Variants in CLPTM1 observed in about 807,000 individuals in gnomAD.
The protein encoded by CLPTM1 is putative lipid scramblase CLPTM1.
A neutral mutation model predicts 77.3 loss-of-function variants in CLPTM1; 21 were observed. The ratio of observed to expected loss-of-function variants is 0.27; its 90% CI spans 0.19 to 0.39. CLPTM1 has a LOEUF of 0.39. CLPTM1 is among the 10% of genes least tolerant of loss of function. The pLI is 1.00. For missense variants in CLPTM1, 642 were observed against 921.2 expected, an observed-to-expected ratio of 0.70 and a Z score of 3.92; for synonymous variants, 373 against 381.0, an observed-to-expected ratio of 0.98 and a Z score of 0.24.
In CLPTM1 at chr19:44,979,721, G is replaced by A. The variant is rs191295374; in HGVS notation, c.586+2261G>A. Among the ~76,000 whole-genome samples the A allele has an allele frequency of 3.5e-3, 534 of 152,236 alleles. 4 individuals are homozygous for A. The highest frequency in any genetic ancestry group is 3.8e-3 in the Non-Finnish European group (260 of 68,018). ...TGAGTGTGTCTGAAGAATGTGCTGC[G>A]TTGGTATGTCCCACCCGGCTGACGT... On this transcript the variant is annotated intron_variant, in intron 5 of 13. Transcript: ENST00000337392.
chr19:44,970,426 G>T lies in CLPTM1; in HGVS notation c.186-2661G>T, dbSNP rs1188353528. On this transcript the variant is annotated intron_variant, in intron 2 of 13. Transcript: ENST00000337392. Reference sequence around the variant, plus strand: ...TTTTTTTTTTTTTTTTTGAGACAGGGTCTCACTCTGTTGCCCAGGCTGGAG... The same window carrying T: ...TTTTTTTTTTTTTTTTTGAGACAGGTTCTCACTCTGTTGCCCAGGCTGGAG... 2.8e-5 allele frequency among the ~76,000 whole-genome samples: 4 copies of T among 140,882 alleles called. 1 individual carries two copies. Among genetic ancestry groups the T allele is most frequent in the Admixed American group, 2.1e-4 (3 of 14,466 alleles). The allele number at this position is 140,882 out of a possible 152,430, so 92.4% of individuals were successfully genotyped here. A position where few individuals can be genotyped will look rare whatever the true frequency, so the allele number is the denominator to read the frequency against.
In CLPTM1 at chr19:44,990,753, G is replaced by A; in HGVS notation, c.1324-97G>A. On this transcript the variant is annotated intron_variant, in intron 10 of 13. Coordinates refer to ENST00000337392, the MANE Select transcript of CLPTM1 (RefSeq NM_001294.4). The surrounding 1 kb of genome is among the most constrained non-coding windows in gnomAD (Gnocchi z 4.8). ...GATTTTTTGGGTCACACATGGGGCA[G>A]GGGAACTGGGAACGGTGGGGAAGGG... The A allele has an allele frequency of 7.5e-7, 1 of 1,327,166 alleles. No homozygotes were observed. The highest frequency in any genetic ancestry group is 1.4e-5 in the African/African-American group (1 of 69,022). 82.2% of individuals were successfully genotyped at this position (1,327,166 alleles called of 1,614,324 possible).
At chr19:44,969,281 C>T (rs2122264542) in intron 2 of CLPTM1, among the ~76,000 whole-genome samples, 1 of 152,250 alleles carries the variant, frequency 6.6e-6, no homozygotes, top group East Asian at 1.9e-4. Flanking sequence ...CCATTTCAAC[C>T]ATTGAAGTTG....
At position 44,974,485 on chromosome 19, in the gene CLPTM1, A is replaced by C. The variant is rs750258939; in HGVS notation, c.356A>C (p.Asn119Thr). 2 of 1,614,098 alleles carry C rather than the reference A, an allele frequency of 1.2e-6. No homozygotes were observed. Among genetic ancestry groups the C allele is most frequent in the Non-Finnish European group, 1.7e-6 (2 of 1,180,004 alleles). ...GAGCACGAGCACTTTACAGACTTCA[A>C]CGCCACGTCGGCACTCTTCTGGGAA... ...ISEHEHFTDFNATSALFWEQH... is the reference protein window; with the variant it reads ...ISEHEHFTDFTATSALFWEQH... Residue 119 changes from asparagine to threonine, a missense_variant, in exon 4 of 14, where the codon AAC becomes ACC. By Grantham distance (65) the Asn-to-Thr change is moderately conservative (BLOSUM62 0). Around this residue, in one of 2 missense-constraint regions of CLPTM1, gnomAD observed 521 missense variants for 800.4 expected, o/e 0.65. Transcript: ENST00000337392.
rs1267651090 is a variant in CLPTM1 at position 44,993,175 on chromosome 19, GC to G, written c.*280del. 2.3e-5 allele frequency: 12 copies of G among 523,754 alleles called. No homozygotes were observed. The highest frequency in any genetic ancestry group is 2.2e-4 in the African/African-American group (11 of 49,562). 32.4% of individuals were successfully genotyped at this position (523,754 alleles called of 1,614,324 possible). A position where few individuals can be genotyped will look rare whatever the true frequency, so the allele number is the denominator to read the frequency against. ...ATCATGGTGAAGCTGATGCAGCGTTGCCGAGGGGGTGGGTTGGGCGGGGGTG... is the reference window on the plus strand; with the variant it reads ...ATCATGGTGAAGCTGATGCAGCGTTGCGAGGGGGTGGGTTGGGCGGGGGTG... On this transcript the variant is annotated 3_prime_UTR_variant, in exon 14 of 14. Coordinates refer to ENST00000337392, the MANE Select transcript of CLPTM1 (RefSeq NM_001294.4).
At chr19:44,989,075 C>T (rs1971028113) in intron 9 of CLPTM1, among the ~76,000 whole-genome samples, 3 of 152,244 alleles carry the variant, frequency 2.0e-5, no homozygotes, top group Non-Finnish European at 4.4e-5. Flanking sequence ...CTCAGCTACT[C>T]GGGAGGCTTG....
At chr19:44,955,004 A>G (rs888651575), upstream of CLPTM1, 4 of 1,535,602 alleles carry the variant, frequency 2.6e-6, no homozygotes, top group South Asian at 4.8e-5. Context: ...GTAAAGCTCA[A>G]GAAACATGGA....
rs533340574 is a variant in CLPTM1 at position 44,970,801 on chromosome 19, A to T, written c.186-2286A>T. On this transcript the variant is annotated intron_variant, in intron 2 of 13. Coordinates refer to ENST00000337392, the MANE Select transcript of CLPTM1 (RefSeq NM_001294.4). ...CTTATTCTTTTTTTTTTTTTCCCCT[A>T]GACCTGCAAATCCAAGATCCTTTAC... Among the ~76,000 whole-genome samples the T allele has an allele frequency of 5.8e-5, 8 of 138,626 alleles. No homozygotes were observed. The East Asian group carries it at 1.2e-3, about 21-fold the overall frequency. 90.9% of individuals were successfully genotyped at this position (138,626 alleles called of 152,430 possible). A position where few individuals can be genotyped will look rare whatever the true frequency, so the allele number is the denominator to read the frequency against.
rs1971077626 is a variant in CLPTM1, at chr19:44,991,644, C to T, written c.1555+271C>T. Among the ~76,000 whole-genome samples, 1 of 152,156 alleles carries T rather than the reference C, an allele frequency of 6.6e-6. No individual in the cohort carries two copies. Among genetic ancestry groups the T allele is most frequent in the Non-Finnish European group, 1.5e-5 (1 of 68,018 alleles). ...TAGGGCCAGGTGCAGTGGCTCACAC[C>T]TGTTATCCCAATGCTTTGGGAGGCT... On this transcript the variant is annotated intron_variant, in intron 12 of 13. Coordinates refer to ENST00000337392, the MANE Select transcript of CLPTM1 (RefSeq NM_001294.4). This position sits in a 1 kb window ranked among gnomAD's most constrained non-coding sequence, Gnocchi z 5.4.
rs530305715 is a variant in CLPTM1 at position 44,973,918 on chromosome 19, C to G, written c.310-521C>G. Among the ~76,000 whole-genome samples the G allele has an allele frequency of 5.9e-5, 9 of 151,524 alleles. No individual in the cohort carries two copies. In the East Asian group the frequency reaches 1.8e-3, roughly 29 times the overall value. On this transcript the variant is annotated intron_variant, in intron 3 of 13. Transcript: ENST00000337392. ...AGCTGGGATTACAGGCATGTGCCAC[C>G]ACGTCCAGCTAATTTTTTGTATTTT...
chr19:44,980,340 C>T (rs1195533482), intron 5 of CLPTM1, among the ~76,000 whole-genome samples: 1 of 151,948 alleles, frequency 6.6e-6, no homozygotes, highest in Non-Finnish European at 1.5e-5. Context: ...GAAACCCTGT[C>T]TCTACTAAAA....
intron 1 of CLPTM1, among the ~76,000 whole-genome samples, chr19:44,958,856 T>G (rs983370200): frequency 6.6e-6 from 1 of 152,192 alleles, no homozygotes; most frequent in Non-Finnish European, 1.5e-5. Context: ...GCCACAGAGG[T>G]GCTATCTCTG....
At chr19:44,981,996 A>G (rs1970904853) in intron 5 of CLPTM1, among the ~76,000 whole-genome samples, 2 of 152,114 alleles carry the variant, frequency 1.3e-5, no homozygotes. Flanking sequence ...TCAACATATG[A>G]TCAGTATAAA....
Position 44,987,200 on chromosome 19 carries a change from G to A in CLPTM1, c.815G>A (p.Ser272Asn). Reference sequence around the variant, plus strand: ...GCAGATGTGAAGTTCGACGCCGTGAGCGGTGACTACTATCCCATCATCTAC... The same window carrying A: ...GCAGATGTGAAGTTCGACGCCGTGAACGGTGACTACTATCCCATCATCTAC... ...LDQYVKFDAVSGDYYPIIYFN... is the reference protein window; with the variant it reads ...LDQYVKFDAVNGDYYPIIYFN... The change falls in exon 8 of 14, where the codon AGC becomes AAC. Residue 272 changes from serine (S) to asparagine (N), a missense_variant. Ser to Asn is a conservative substitution (Grantham distance 46). Around this residue, in one of 2 missense-constraint regions of CLPTM1, gnomAD observed 521 missense variants for 800.4 expected, o/e 0.65. Transcript: ENST00000337392. 1.2e-6 allele frequency: 2 copies of A among 1,612,254 alleles called. No homozygotes were observed.
rs553412570 is a variant in CLPTM1, at chr19:44,971,200, G to T, written c.186-1887G>T. On this transcript the variant is annotated intron_variant, in intron 2 of 13. Coordinates refer to ENST00000337392, the MANE Select transcript of CLPTM1 (RefSeq NM_001294.4). The stretch of plus-strand genomic sequence containing the variant: ...CCTGAAGGTTTGGTAACCTACAGTC[G>T]TGTCCATTCTTCAGAGCTGTCTATT... Among the ~76,000 whole-genome samples the T allele has an allele frequency of 2.0e-5, 3 of 152,144 alleles. No individual in the cohort carries two copies. The South Asian group carries it at 6.2e-4, about 32-fold the overall frequency.
chr19:44,957,756 C>G (rs1459819777), intron 1 of CLPTM1, among the ~76,000 whole-genome samples: 1 of 152,224 alleles, frequency 6.6e-6, no homozygotes. Flanking sequence ...GCACAGTCTG[C>G]TGCTTTAGCT....
chr19:44,955,658 G>C lies in CLPTM1; in HGVS notation c.72+191G>C, dbSNP rs1350586478. 12 of 491,454 alleles carry C rather than the reference G, an allele frequency of 2.4e-5. No individual in the cohort carries two copies. The Admixed American group carries it at 4.0e-4, about 16-fold the overall frequency. The allele number at this position is 491,454 out of a possible 1,614,324, so 30.4% of individuals were successfully genotyped here. A position where few individuals can be genotyped will look rare whatever the true frequency, so the allele number is the denominator to read the frequency against. ...GGTGCCGGGAACAGGGCCCTGTTGCGGGTCGGTTCCCCTGCACGCTCGAGC... is the reference window on the plus strand; with the variant it reads ...GGTGCCGGGAACAGGGCCCTGTTGCCGGTCGGTTCCCCTGCACGCTCGAGC... On this transcript the variant is annotated intron_variant, in intron 1 of 13. Coordinates refer to ENST00000337392, the MANE Select transcript of CLPTM1 (RefSeq NM_001294.4).
In CLPTM1 at chr19:44,955,451, G is replaced by A; in HGVS notation, c.56G>A (p.Gly19Glu). Residue 19 changes from glycine (G) to glutamate (E), a missense_variant, in exon 1 of 14, where the codon GGA becomes GAA. By Grantham distance (98) the Gly-to-Glu change is moderately conservative. Coordinates refer to ENST00000337392, the MANE Select transcript of CLPTM1 (RefSeq NM_001294.4). ...GARSAVVAAG[G>E]GSSGQVTSNG... is the part of the protein sequence containing the mutation. ...CGCAGCGCCGTGGTGGCGGCCGGGGGAGGCAGCTCCGGTCAGGTACGGAGG... is the reference window on the plus strand; with the variant it reads ...CGCAGCGCCGTGGTGGCGGCCGGGGAAGGCAGCTCCGGTCAGGTACGGAGG... 7.5e-7 allele frequency: 1 copy of A among 1,332,736 alleles called. No homozygotes were observed. The highest frequency in any genetic ancestry group is 3.0e-5 in the East Asian group (1 of 33,268). The allele number at this position is 1,332,736 out of a possible 1,614,324, so 82.6% of individuals were successfully genotyped here. A position where few individuals can be genotyped will look rare whatever the true frequency, so the allele number is the denominator to read the frequency against.
Position 44,992,370 on chromosome 19 carries a change from G to T in CLPTM1, c.1693G>T (p.Val565Phe). ...DLFAFVIKMP[V>F]MYRIGCLRDD... Reference sequence around the variant, plus strand: ...GTTCGCCTTTGTCATCAAGATGCCCGTTATGTACCGGATCGGCTGCCTGCG... The same window carrying T: ...GTTCGCCTTTGTCATCAAGATGCCCTTTATGTACCGGATCGGCTGCCTGCG... The change falls in exon 13 of 14, where the codon GTT (valine) becomes TTT (phenylalanine). Residue 565 changes from valine to phenylalanine, a missense_variant. Physicochemically the swap from Val to Phe is conservative, Grantham distance 50. Around this residue, in one of 2 missense-constraint regions of CLPTM1, gnomAD observed 521 missense variants for 800.4 expected, o/e 0.65. Transcript: ENST00000337392. The surrounding 1 kb of genome is among the most constrained non-coding windows in gnomAD (Gnocchi z 7.7). 1.2e-6 allele frequency: 2 copies of T among 1,614,148 alleles called. No homozygotes were observed. The highest frequency in any genetic ancestry group is 1.7e-6 in the Non-Finnish European group (2 of 1,179,996).
Sources: gnomAD v4.1 joint callset for allele counts (sites outside exome capture counted in the v4.1 genomes callset) on GRCh38, gnomAD v4.1.1 for gene constraint, gnomAD v4.1.1 regional missense constraint, Gnocchi (gnomAD v3.1) non-coding constraint, MANE v1.5 for transcripts, NCBI Gene and HGNC (gene_info 2026-07-23, HGNC 2026-07-21) for gene names.